The following ADGRL1 variants were observed in gnomAD, a reference collection of about 807,000 sequenced individuals.
ADGRL1 encodes the protein CIRL-1.
Under a neutral mutation model 148.9 loss-of-function variants are expected in ADGRL1, and 31 were observed. The ratio of observed to expected loss-of-function variants is 0.21; its 90% confidence interval spans 0.16 to 0.28. The LOEUF (loss-of-function observed/expected upper bound fraction) is 0.28. Ranked by LOEUF, ADGRL1 falls within the 10% of genes least tolerant of loss-of-function variation. ADGRL1 has a pLI of 1.00. For synonymous variants in ADGRL1, 937 were observed against 900.3 expected (o/e 1.04, Z -0.73); for missense variants, 1,521 against 2,058.8 (o/e 0.74, Z 5.05).
intron 1 of ADGRL1, among the ~76,000 whole-genome samples, chr19:14,185,498 T>G (rs1233126626): frequency 3.3e-5 from 5 of 152,156 alleles, no homozygotes; most frequent in African/African-American, 1.2e-4. Flanking sequence ...CTTGCTATGT[T>G]GCCCAAGCTG....
intron 18 of ADGRL1, among the ~76,000 whole-genome samples, chr19:14,154,435 C>G (rs1171725374): frequency 1.3e-5 from 2 of 152,164 alleles, no homozygotes; most frequent in Non-Finnish European, 2.9e-5. Context: ...ATTCCCTGCC[C>G]ATGTTCCCCA....
chr19:14,191,119 G>A (rs1371559559), intron 1 of ADGRL1: 2 of 456,528 alleles, frequency 4.4e-6, no homozygotes, highest in South Asian at 3.1e-5. Flanking sequence ...ACAATGTTGA[G>A]TGGTGGGTCT....
intron 4 of ADGRL1, chr19:14,169,840 G>C: frequency 6.6e-6 from 1 of 152,364 alleles, no homozygotes; most frequent in East Asian, 1.9e-4. Context: ...GAGGAGAGAG[G>C]GCAGGAAAAA....
In ADGRL1 at chr19:14,178,575, G is replaced by A. The variant is rs187087414; in HGVS notation, c.71-831C>T. 2.4e-3 allele frequency among the ~76,000 whole-genome samples: 362 copies of A among 152,296 alleles called. 2 individuals are homozygous for A. Among genetic ancestry groups the A allele is most frequent in the African/African-American group, 7.9e-3 (329 of 41,572 alleles). ...CCTCTGTCACCCAGGCTGGAGTGCA[G>A]TGGTGCGATCATGGCTCACTGCAAG... On this transcript the variant is annotated intron_variant, in intron 2 of 22. Transcript: ENST00000361434.
At chr19:14,154,859 C>G (rs935966301) in intron 18 of ADGRL1, among the ~76,000 whole-genome samples, 23 of 152,028 alleles carry the variant, frequency 1.5e-4, no homozygotes, top group African/African-American at 5.3e-4. Context: ...TCAGGTGATC[C>G]GCCCGCCTCA....
At chr19:14,170,565 TC>T in intron 4 of ADGRL1, 116 bp downstream of exon 4, 1 of 639,988 alleles carries the variant, frequency 1.6e-6, no homozygotes, top group Non-Finnish European at 2.9e-6. Flanking sequence ...GGCCCGGCTG[TC>T]CCCACTGTGC....
chr19:14,198,159 T>G (rs1599521867), intron 1 of ADGRL1, among the ~76,000 whole-genome samples: 3 of 150,404 alleles, frequency 2.0e-5, no homozygotes, highest in Admixed American at 6.6e-5. Context: ...TGGAAGGAGG[T>G]GAGGGCGGCT....
chr19:14,161,538 C>T lies in ADGRL1; in HGVS notation c.1284G>A (p.Pro428=), dbSNP rs112741078. 27 of 1,431,942 alleles carry T rather than the reference C, an allele frequency of 1.9e-5. 1 individual carries two copies. In the South Asian group the frequency reaches 2.3e-4, roughly 12 times the overall value. The allele number at this position is 1,431,942 out of a possible 1,614,324, so 88.7% of individuals were successfully genotyped here. The change falls in exon 6 of 23, where the codon CCG becomes CCA. Residue 428 remains proline (P), a synonymous_variant. Coordinates refer to ENST00000361434, the MANE Select transcript of ADGRL1 (RefSeq NM_014921.5). This position sits in a 1 kb window ranked among gnomAD's most constrained non-coding sequence, Gnocchi z 4.4. The part of the protein sequence containing the change: ...TSTASPAATT[P]LRRAPLTTHP... ...GCGTGGTGAGGGGTGCCCGGCGGAG[C>T]GGGGTGGTGGCTGCGGGCGAGGCTG...
intron 1 of ADGRL1, chr19:14,191,299 A>G (rs1321381438): frequency 4.4e-6 from 2 of 456,666 alleles, no homozygotes; most frequent in South Asian, 1.5e-5. Context: ...AGTGCCCTGC[A>G]GTCACCGCCT....
At chr19:14,204,517 GGA>G (rs1972830849) in intron 1 of ADGRL1, among the ~76,000 whole-genome samples, 1 of 152,016 alleles carries the variant, frequency 6.6e-6, no homozygotes. Context: ...TTGGGGTGTT[GGA>G]GAGAGAAGCA....
chr19:14,169,309 G>A (rs1056373533), intron 4 of ADGRL1: 5 of 152,262 alleles, frequency 3.3e-5, no homozygotes, highest in African/African-American at 9.7e-5. Context: ...TAGTGGCCCA[G>A]AGAAATTAAA....
intron 1 of ADGRL1, among the ~76,000 whole-genome samples, chr19:14,184,619 TTTA>T (rs1466214188): frequency 7.8e-6 from 1 of 127,632 alleles, no homozygotes; most frequent in South Asian, 2.4e-4. Context: ...TATTTATTTA[TTTA>T]TTTATTTATT....
intron 1 of ADGRL1, among the ~76,000 whole-genome samples, chr19:14,201,419 T>A (rs1173081973): frequency 3.4e-5 from 1 of 29,078 alleles, no homozygotes; most frequent in African/African-American, 1.0e-3. Context: ...GCAGGGGCAT[T>A]TTTTTTTTTT....
intron 1 of ADGRL1, among the ~76,000 whole-genome samples, chr19:14,185,571 G>A (rs1971529905): frequency 6.6e-6 from 1 of 152,206 alleles, no homozygotes. Context: ...TGGGATTACA[G>A]GCGTGAGCCA....
intron 1 of ADGRL1, among the ~76,000 whole-genome samples, chr19:14,198,943 C>T (rs1205978768): frequency 2.0e-5 from 3 of 152,220 alleles, no homozygotes; most frequent in Non-Finnish European, 4.4e-5. Context: ...CCAACCTTTG[C>T]ACTCTGAGCT....
rs1276309715 is a variant in ADGRL1 at position 14,158,572 on chromosome 19, T to C, written c.2150-20A>G. 2 of 1,598,364 alleles carry C rather than the reference T, an allele frequency of 1.3e-6. No individual in the cohort carries two copies. The highest frequency in any genetic ancestry group is 3.3e-5 in the Admixed American group (2 of 59,838). The stretch of plus-strand genomic sequence containing the variant: ...CCACCCCTGGTGAGAACAGGCACGT[T>C]TGGATGTGTCAGCATCCTCAGCTGG... On this transcript the variant is annotated intron_variant, in intron 11 of 22. Coordinates refer to ENST00000361434, the MANE Select transcript of ADGRL1 (RefSeq NM_014921.5).
intron 3 of ADGRL1, among the ~76,000 whole-genome samples, chr19:14,174,837 G>GTT (rs34608406): frequency 6.2e-4 from 68 of 110,564 alleles, no homozygotes; most frequent in South Asian, 2.1e-3. Flanking sequence ...CACCTGGTCT[G>GTT]TTTTTTTTTT....
At chr19:14,153,083 GT>G (rs1568566047) in intron 18 of ADGRL1, among the ~76,000 whole-genome samples, 171 bp from the exon 19 acceptor site, 1 of 152,112 alleles carries the variant, frequency 6.6e-6, no homozygotes, top group African/African-American at 2.4e-5. Flanking sequence ...GATGTCCCCT[GT>G]CCCCCAACAG....
chr19:14,197,565 C>T (rs1212732409), intron 1 of ADGRL1, among the ~76,000 whole-genome samples: 1 of 152,186 alleles, frequency 6.6e-6, no homozygotes, highest in Non-Finnish European at 1.5e-5. Flanking sequence ...ATCACTTCTA[C>T]TCAGCGTCTG....
Sources: allele counts gnomAD v4.1 joint callset (sites outside exome capture counted in the v4.1 genomes callset), GRCh38; gene constraint gnomAD v4.1.1; non-coding constraint Gnocchi (gnomAD v3.1); transcripts MANE v1.5; gene names NCBI Gene and HGNC (gene_info 2026-07-23, HGNC 2026-07-21).